The following ADSS2 variants were observed in gnomAD, a reference collection of about 807,000 sequenced individuals.
ADSS2 encodes adenylosuccinate synthetase isozyme 2.
ADSS2 carries 30 observed loss-of-function variants against 60.0 expected under a neutral mutation model. That is an observed-to-expected ratio of 0.50 (90% confidence interval 0.37 to 0.68). The LOEUF (loss-of-function observed/expected upper bound fraction) is 0.68. ADSS2 is among the 30% of genes least tolerant of loss of function. The pLI is 0.00. For synonymous variants in ADSS2, 187 were observed against 193.1 expected, an observed-to-expected ratio of 0.97 and a Z score of 0.26; for missense variants, 373 against 554.8, an observed-to-expected ratio of 0.67 and a Z score of 3.29.
chr1:244,432,470 A>G lies in ADSS2; in HGVS notation c.406+75T>C, dbSNP rs963665994. 7 of 1,086,328 alleles carry G rather than the reference A, an allele frequency of 6.4e-6. No individual in the cohort carries two copies. The Admixed American group carries it at 1.2e-4, about 19-fold the overall frequency. 67.3% of individuals were successfully genotyped at this position (1,086,328 alleles called of 1,614,324 possible). A position where few individuals can be genotyped will look rare whatever the true frequency, so the allele number is the denominator to read the frequency against. ...CTAAATAAAAATAAAAGACAAAATTAGTTACTAAATACTTTCATTTGATAA... is the reference window on the plus strand; with the variant it reads ...CTAAATAAAAATAAAAGACAAAATTGGTTACTAAATACTTTCATTTGATAA... On this transcript the variant is annotated intron_variant, in intron 4 of 12. Transcript: ENST00000366535.
chr1:244,420,303 A>T lies in ADSS2; in HGVS notation c.664-7T>A, dbSNP rs774793929. ...TAATCTTTTCCATATAACCCTATAC[A>T]CAAAGACAAAAACCAATTTCCATGT... On this transcript the variant is annotated splice_region_variant and splice_polypyrimidine_tract_variant and intron_variant, in intron 7 of 12. Coordinates refer to ENST00000366535, the MANE Select transcript of ADSS2 (RefSeq NM_001126.5). The T allele has an allele frequency of 6.3e-7, 1 of 1,597,246 alleles. No individual in the cohort carries two copies. The highest frequency in any genetic ancestry group is 8.5e-7 in the Non-Finnish European group (1 of 1,171,346).
In ADSS2 at chr1:244,415,848, C is replaced by G. The variant is rs55788691; in HGVS notation, c.1168+133G>C. 2.4e-3 allele frequency: 1,507 copies of G among 630,020 alleles called. 24 individuals are homozygous for G. In the African/African-American group the frequency reaches 0.025, roughly 11 times the overall value. 39.0% of individuals were successfully genotyped at this position (630,020 alleles called of 1,614,324 possible). ...AACCAAATAACTAATAATAAGTGAG[C>G]AAATTTGCACTAATCATAAAGGGCA... On this transcript the variant is annotated intron_variant, in intron 11 of 12. Transcript: ENST00000366535.
intron 3 of ADSS2, among the ~76,000 whole-genome samples, chr1:244,435,440 C>T (rs1429951852): frequency 2.0e-5 from 3 of 152,140 alleles, no homozygotes; most frequent in South Asian, 2.1e-4. Context: ...GTTTCATATA[C>T]ACCTTACATA....
chr1:244,444,496 C>A (rs1303265135), intron 1 of ADSS2, among the ~76,000 whole-genome samples: 1 of 73,900 alleles, frequency 1.4e-5, no homozygotes, highest in Admixed American at 2.0e-4. Flanking sequence ...GCCTGGGCGA[C>A]AGAGCGAGAC....
At chr1:244,433,805 A>G (rs1665012494) in intron 3 of ADSS2, among the ~76,000 whole-genome samples, 1 of 142,040 alleles carries the variant, frequency 7.0e-6, no homozygotes, top group Non-Finnish European at 1.5e-5. Flanking sequence ...GACTGCAGTG[A>G]GCCAAGATTG....
chr1:244,440,533 T>C (rs990046886), intron 1 of ADSS2, among the ~76,000 whole-genome samples: 1 of 152,148 alleles, frequency 6.6e-6, no homozygotes, highest in Non-Finnish European at 1.5e-5. Context: ...CTTCAAGTGA[T>C]ACCAAAAAGG....
intron 12 of ADSS2, 56 bp downstream of exon 12, chr1:244,411,231 A>AT: frequency 1.3e-6 from 2 of 1,520,692 alleles, no homozygotes; most frequent in Non-Finnish European, 1.8e-6. Context: ...AAAAAAAAAA[A>AT]GAAAAAAGAG....
At chr1:244,429,558 A>C (rs766223847) in intron 4 of ADSS2, among the ~76,000 whole-genome samples, 11 of 152,186 alleles carry the variant, frequency 7.2e-5, no homozygotes, top group Non-Finnish European at 1.6e-4. Context: ...TAATGATACT[A>C]TTTATTCCTT....
chr1:244,429,559 T>C (rs1664883017), intron 4 of ADSS2, among the ~76,000 whole-genome samples: 1 of 152,208 alleles, frequency 6.6e-6, no homozygotes, highest in Non-Finnish European at 1.5e-5. Context: ...AATGATACTA[T>C]TTATTCCTTT....
At chr1:244,438,316 A>G (rs962770028) in intron 1 of ADSS2, among the ~76,000 whole-genome samples, 1 of 152,136 alleles carries the variant, frequency 6.6e-6, no homozygotes, top group Non-Finnish European at 1.5e-5. Flanking sequence ...TGATTTATAA[A>G]CCAGTCTTGT....
Position 244,436,840 on chromosome 1 carries a change from C to T in ADSS2, c.340G>A (p.Val114Ile), listed in dbSNP as rs1221829490. 1.2e-6 allele frequency: 2 copies of T among 1,611,846 alleles called. No individual in the cohort carries two copies. The highest frequency in any genetic ancestry group is 2.2e-5 in the East Asian group (1 of 44,672). The change falls in exon 3 of 13, where the codon GTT becomes ATT. Residue 114 changes from valine to isoleucine, a missense_variant. Val to Ile is a conservative substitution (Grantham distance 29). Transcript: ENST00000366535. ...PGLFEEAEKN[V>I]QKGKGLEGWE... ...TCTTTCATACCTTTTCCTTTTTGAACATTTTTCTCTGCTTCTTCAAACAAT... is the reference window on the plus strand; with the variant it reads ...TCTTTCATACCTTTTCCTTTTTGAATATTTTTCTCTGCTTCTTCAAACAAT...
At chr1:244,445,458 C>G (rs1485786053) in intron 1 of ADSS2, among the ~76,000 whole-genome samples, 1 of 152,108 alleles carries the variant, frequency 6.6e-6, no homozygotes, top group Non-Finnish European at 1.5e-5. Flanking sequence ...CTCAGTTTTT[C>G]CATGCATTCC....
At chr1:244,434,080 G>A (rs920765474) in intron 3 of ADSS2, among the ~76,000 whole-genome samples, 2 of 151,396 alleles carry the variant, frequency 1.3e-5, no homozygotes, top group Non-Finnish European at 2.9e-5. Context: ...TGAGAGCAGT[G>A]GCCTATAATC....
intron 4 of ADSS2, among the ~76,000 whole-genome samples, chr1:244,427,292 G>A (rs772828307): frequency 1.3e-5 from 2 of 152,068 alleles, no homozygotes; most frequent in African/African-American, 4.8e-5. Context: ...CTCAAGTAAC[G>A]TAAAAGATGC....
At chr1:244,428,685 GA>G (rs893412574) in intron 4 of ADSS2, among the ~76,000 whole-genome samples, 27 of 148,434 alleles carry the variant, frequency 1.8e-4, no homozygotes, top group East Asian at 3.9e-4. Context: ...ATTTTTTGGG[GA>G]AAAAAAAATC....
intron 2 of ADSS2, 134 bp downstream of exon 2, chr1:244,437,532 T>A (rs1353497202): frequency 1.5e-6 from 1 of 671,026 alleles, no homozygotes; most frequent in Admixed American, 2.6e-5. Context: ...CCAGAAGGTA[T>A]CAAGGTCAAA....
intron 1 of ADSS2, among the ~76,000 whole-genome samples, chr1:244,439,586 G>A (rs1322522508): frequency 6.6e-6 from 1 of 152,074 alleles, no homozygotes; most frequent in Non-Finnish European, 1.5e-5. Context: ...AGCCTCTCCT[G>A]GAGCTGCATG....
Position 244,420,300 on chromosome 1 carries a change from T to C in ADSS2, c.664-4A>G, listed in dbSNP as rs975009030. On this transcript the variant is annotated splice_region_variant and splice_polypyrimidine_tract_variant and intron_variant, in intron 7 of 12. Coordinates refer to ENST00000366535, the MANE Select transcript of ADSS2 (RefSeq NM_001126.5). ...GTTTAATCTTTTCCATATAACCCTATACACAAAGACAAAAACCAATTTCCA... is the reference window on the plus strand; with the variant it reads ...GTTTAATCTTTTCCATATAACCCTACACACAAAGACAAAAACCAATTTCCA... 1.2e-6 allele frequency: 2 copies of C among 1,600,344 alleles called. No homozygotes were observed. Among genetic ancestry groups the C allele is most frequent in the African/African-American group, 2.7e-5 (2 of 74,338 alleles).
chr1:244,436,762 A>G (rs1043617909), intron 3 of ADSS2, 63 bp downstream of exon 3: 6 of 1,415,652 alleles, frequency 4.2e-6, no homozygotes, highest in African/African-American at 2.8e-5. Context: ...TTCGTCTGGC[A>G]TAAGATCCTA....
Sources: gnomAD v4.1 joint callset for allele counts (sites outside exome capture counted in the v4.1 genomes callset) on GRCh38, gnomAD v4.1.1 for gene constraint, MANE v1.5 for transcripts, NCBI Gene and HGNC (gene_info 2026-07-23, HGNC 2026-07-21) for gene names.